Variants in POLA1 observed in about 807,000 individuals in gnomAD.
POLA1 encodes the protein DNA polymerase alpha 1, catalytic subunit.
In POLA1, 15 loss-of-function variants were observed where a neutral mutation model predicts 124.0. The observed-to-expected ratio is 0.12, with a 90% CI of 0.08 to 0.19. The LOEUF (loss-of-function observed/expected upper bound fraction) is 0.19, where lower values mean the gene tolerates loss of function less well. Ranked by LOEUF, POLA1 falls within the 10% of genes least tolerant of loss-of-function variation. The probability of loss-of-function intolerance (pLI) is 1.00; values close to 1 mark genes in which losing one functional copy is unlikely to be tolerated. For synonymous variants in POLA1, 408 were observed against 389.4 expected (o/e 1.05, Z -0.56); for missense variants, 886 against 1,103.4 (o/e 0.80, Z 2.79).
At chrX:24,749,913 T>C (rs2148407248) in intron 26 of POLA1, among the ~76,000 whole-genome samples, 1 of 112,234 alleles carries the variant, frequency 8.9e-6, no homozygotes, top group East Asian at 2.8e-4. Context: ...GAATATTAAA[T>C]TCCATTTAAC....
At chrX:24,835,530 A>G (rs2046330599) in intron 32 of POLA1, among the ~76,000 whole-genome samples, 1 of 110,547 alleles carries the variant, frequency 9.0e-6, no homozygotes, top group South Asian at 3.9e-4. Flanking sequence ...ATTGGAATCC[A>G]GTCAGGGTCA....
chrX:24,809,817 G>T, intron 26 of POLA1, 81 bp from the exon 27 acceptor site: 1 of 576,058 alleles, frequency 1.7e-6, no homozygotes, highest in East Asian at 3.6e-5. Flanking sequence ...GCAAATCATT[G>T]AAAGTTACCT....
At chrX:24,932,453 TA>T (rs1316166154) in intron 36 of POLA1, among the ~76,000 whole-genome samples, 3 of 111,502 alleles carry the variant, frequency 2.7e-5, no homozygotes, top group Non-Finnish European at 5.6e-5. Context: ...CCACAGAAAA[TA>T]AGAGGAAATA....
intron 35 of POLA1, among the ~76,000 whole-genome samples, chrX:24,904,430 T>G (rs1377301584): frequency 1.7e-4 from 19 of 109,251 alleles, no homozygotes; most frequent in Admixed American, 1.6e-3. Flanking sequence ...CTTTTGTTTT[T>G]TTTTTTTTTC....
At chrX:24,964,765 G>T (rs2048204373) in intron 36 of POLA1, among the ~76,000 whole-genome samples, 1 of 112,126 alleles carries the variant, frequency 8.9e-6, no homozygotes, top group South Asian at 3.7e-4. Flanking sequence ...ATTTGTAGCT[G>T]TCCTCAGCCA....
intron 1 of POLA1, among the ~76,000 whole-genome samples, chrX:24,696,932 GC>G (rs1928049311): frequency 9.0e-6 from 1 of 110,851 alleles, no homozygotes; most frequent in Non-Finnish European, 1.9e-5. Flanking sequence ...TTTTGCTTGT[GC>G]CACTTTTTAC....
intron 36 of POLA1, among the ~76,000 whole-genome samples, chrX:24,977,289 A>G (rs777917542): frequency 2.7e-5 from 3 of 112,148 alleles, no homozygotes; most frequent in Non-Finnish European, 3.8e-5. Context: ...TCACCCTCAT[A>G]CTTAATTGAT....
intron 36 of POLA1, among the ~76,000 whole-genome samples, chrX:24,952,504 A>G (rs1387707030): frequency 2.7e-5 from 3 of 111,945 alleles, no homozygotes; most frequent in Admixed American, 9.5e-5. Flanking sequence ...ATAAGCCAGC[A>G]TAGTTCCTTA....
chrX:24,721,170 T>C (rs1270913666), intron 10 of POLA1, among the ~76,000 whole-genome samples: 1 of 113,208 alleles, frequency 8.8e-6, no homozygotes, highest in Non-Finnish European at 1.9e-5. Context: ...TAATTTGTTA[T>C]TGATCTGTCA....
chrX:24,766,067 A>G (rs1024089128), intron 26 of POLA1, among the ~76,000 whole-genome samples: 1 of 112,498 alleles, frequency 8.9e-6, no homozygotes, highest in African/African-American at 3.2e-5. Context: ...TCCATCATAC[A>G]AATATTCTAC....
rs139024287 is a variant in POLA1 at position 24,743,234 on chromosome X, A to G, written c.2471A>G (p.Asp824Gly). The part of the protein sequence containing the change: ...IFRKPQQKLG[D>G]EDEEIDGDTN... ...TATCTTTCCATTTGATATTAGGGAG[A>G]TGAAGATGAAGAAATTGATGGAGAT... Residue 824 changes from aspartate (D) to glycine (G), a missense_variant, in exon 23 of 37, where the codon GAT (aspartate) becomes GGT (glycine). By Grantham distance (94) the Asp-to-Gly change is moderately conservative (BLOSUM62 -1). Transcript: ENST00000379068. The G allele has an allele frequency of 5.4e-5, 55 of 1,012,848 alleles. No homozygotes were observed. The African/African-American group carries it at 9.2e-4, about 17-fold the overall frequency. 83.5% of individuals were successfully genotyped at this position (1,012,848 alleles called of 1,213,427 possible). A position where few individuals can be genotyped will look rare whatever the true frequency, so the allele number is the denominator to read the frequency against.
chrX:24,793,049 G>C (rs754112056), intron 26 of POLA1, among the ~76,000 whole-genome samples: 1 of 110,062 alleles, frequency 9.1e-6, no homozygotes, highest in African/African-American at 3.3e-5. Context: ...GGCCGAGGTG[G>C]GTGGATCACC....
At chrX:24,871,422 T>C (rs771821297) in intron 34 of POLA1, among the ~76,000 whole-genome samples, 9 of 111,793 alleles carry the variant, frequency 8.1e-5, no homozygotes, top group Non-Finnish European at 1.3e-4. Flanking sequence ...CACCGACATA[T>C]ATTACTCAGC....
chrX:24,906,356 A>G (rs920823875), intron 35 of POLA1, among the ~76,000 whole-genome samples: 5 of 112,190 alleles, frequency 4.5e-5, no homozygotes, highest in African/African-American at 1.6e-4. Context: ...CCTTTGTAGC[A>G]ACTTGGATGG....
intron 26 of POLA1, among the ~76,000 whole-genome samples, chrX:24,773,553 T>C (rs2045081122): frequency 8.9e-6 from 1 of 112,234 alleles, no homozygotes; most frequent in African/African-American, 3.2e-5. Flanking sequence ...TTCTGTGTCT[T>C]AGTTTCCTCA....
At chrX:24,827,819 C>T (rs1179414188) in intron 32 of POLA1, among the ~76,000 whole-genome samples, 1 of 112,051 alleles carries the variant, frequency 8.9e-6, no homozygotes, top group Non-Finnish European at 1.9e-5. Flanking sequence ...CACCTCCCAC[C>T]CTTCTTTTAG....
chrX:24,975,561 C>T (rs1048047600), intron 36 of POLA1, among the ~76,000 whole-genome samples: 3 of 112,292 alleles, frequency 2.7e-5, no homozygotes, highest in Non-Finnish European at 5.6e-5. Flanking sequence ...TCTGCTTCTG[C>T]ATTCAATCTG....
intron 26 of POLA1, among the ~76,000 whole-genome samples, chrX:24,795,407 C>A (rs1315654362): frequency 9.0e-6 from 1 of 111,478 alleles, no homozygotes; most frequent in Admixed American, 9.6e-5. Flanking sequence ...TTGGTTTTAT[C>A]TTTTTTAATC....
At position 24,996,345 on chromosome X, in the gene POLA1, A is replaced by T. The variant is rs1391417429; in HGVS notation, c.*395A>T. The T allele has an allele frequency of 1.6e-5, 2 of 122,322 alleles. No homozygotes were observed. Among genetic ancestry groups the T allele is most frequent in the Non-Finnish European group, 3.3e-5 (2 of 60,340 alleles). The allele number at this position is 122,322 out of a possible 1,213,427, so 10.1% of individuals were successfully genotyped here. On this transcript the variant is annotated 3_prime_UTR_variant, in exon 37 of 37. Coordinates refer to ENST00000379068, the MANE Select transcript of POLA1 (RefSeq NM_001330360.2). ...CCCCCACATAAAGAGAGCTTCTCAG[A>T]GCCTGACTGAAGAGCTGACGTTTTG...
Sources: gnomAD v4.1 joint callset for allele counts (sites outside exome capture counted in the v4.1 genomes callset) on GRCh38, gnomAD v4.1.1 for gene constraint, MANE v1.5 for transcripts, NCBI Gene and HGNC (gene_info 2026-07-23, HGNC 2026-07-21) for gene names.